Variants in RBFOX1 observed in about 807,000 individuals in gnomAD.
RBFOX1 encodes RNA binding protein fox-1 homolog 1.
In RBFOX1, 8 loss-of-function variants were observed where a neutral mutation model predicts 57.7. The ratio of observed to expected loss-of-function variants is 0.14; its 90% CI spans 0.08 to 0.25. The LOEUF is 0.25. RBFOX1 is among the 10% of genes least tolerant of loss of function. The pLI is 1.00. For synonymous variants in RBFOX1, 326 were observed against 222.4 expected (o/e 1.47, Z -4.15); for missense variants, 611 against 548.5 (o/e 1.11, Z -1.14).
In RBFOX1 at chr16:5,947,259, C is replaced by G. The variant is rs560214475; in HGVS notation, c.351+79924C>G. 6.6e-6 allele frequency among the ~76,000 whole-genome samples: 1 copy of G among 152,060 alleles called. No homozygotes were observed. Among genetic ancestry groups the G allele is most frequent in the Non-Finnish European group, 1.5e-5 (1 of 68,028 alleles). On this transcript the variant is annotated intron_variant, in intron 4 of 19. Transcript: ENST00000641259. This position sits in a 1 kb window ranked among gnomAD's most constrained non-coding sequence, Gnocchi z 7.2. The stretch of plus-strand genomic sequence containing the variant: ...AAGAAAGGCTACTAAGGCTGGAGAG[C>G]ACAGTGGGTAAGGAGGAGGTGGCCA...
intron 2 of RBFOX1, among the ~76,000 whole-genome samples, chr16:5,530,120 T>C (rs2044407270): frequency 1.3e-5 from 2 of 152,144 alleles, no homozygotes; most frequent in African/African-American, 4.8e-5. Flanking sequence ...CACTTTGCTA[T>C]GGTAGCCCCA....
chr16:7,088,502 T>C (rs1292655315), intron 4 of RBFOX1, among the ~76,000 whole-genome samples: 3 of 151,654 alleles, frequency 2.0e-5, no homozygotes, highest in Non-Finnish European at 4.4e-5. Context: ...TACATGCACT[T>C]ATTCTGGCTT....
chr16:6,265,949 G>A (rs572835828), intron 1 of RBFOX1, among the ~76,000 whole-genome samples: 1 of 152,196 alleles, frequency 6.6e-6, no homozygotes, highest in African/African-American at 2.4e-5. Flanking sequence ...GGTATTGTGG[G>A]TCCATGGTAG....
chr16:5,329,065 A>G (rs966084658), intron 1 of RBFOX1, among the ~76,000 whole-genome samples: 1 of 152,122 alleles, frequency 6.6e-6, no homozygotes, highest in African/African-American at 2.4e-5. Context: ...TTTTACATAT[A>G]TTGTTTTATT....
At chr16:7,417,389 A>AAAG (rs2098490481) in intron 4 of RBFOX1, among the ~76,000 whole-genome samples, 1 of 151,158 alleles carries the variant, frequency 6.6e-6, no homozygotes, top group Non-Finnish European at 1.5e-5. Flanking sequence ...AAAAAAAAAA[A>AAAG]AGAGATGACC....
At chr16:5,510,261 A>G (rs72761053) in intron 2 of RBFOX1, among the ~76,000 whole-genome samples, 3,819 of 152,238 alleles carry the variant, frequency 0.025, 67 homozygotes, top group Middle Eastern at 0.061. Flanking sequence ...ACTTATTGTC[A>G]CAGGTGCAGC....
At chr16:6,444,188 G>T (rs2094441235) in intron 2 of RBFOX1, among the ~76,000 whole-genome samples, 1 of 152,096 alleles carries the variant, frequency 6.6e-6, no homozygotes, top group African/African-American at 2.4e-5. Flanking sequence ...TTTTGTCAGT[G>T]TGCACTGGGC....
intron 11 of RBFOX1, among the ~76,000 whole-genome samples, chr16:7,652,086 T>G (rs1280393721): frequency 6.7e-6 from 1 of 149,934 alleles, no homozygotes; most frequent in Non-Finnish European, 1.5e-5. Flanking sequence ...GGGGTAACCA[T>G]CAGGCATCCT....
intron 2 of RBFOX1, among the ~76,000 whole-genome samples, chr16:5,479,302 C>T (rs1042296197): frequency 5.9e-5 from 9 of 152,264 alleles, no homozygotes; most frequent in South Asian, 2.1e-4. Flanking sequence ...TCATCTCTGT[C>T]CCTAGAACAA....
intron 3 of RBFOX1, among the ~76,000 whole-genome samples, chr16:6,843,136 CAT>C (rs1416518057): frequency 2.0e-5 from 3 of 152,084 alleles, no homozygotes; most frequent in African/African-American, 4.8e-5. Flanking sequence ...GTTTTCAAAA[CAT>C]AACACATTTT....
intron 10 of RBFOX1, among the ~76,000 whole-genome samples, chr16:7,619,846 A>C (rs1163123384): frequency 6.6e-6 from 1 of 152,198 alleles, no homozygotes. Context: ...AAATGTGCCA[A>C]ATTGGAGGAG....
chr16:7,532,330 GGC>G (rs904486467), intron 5 of RBFOX1, among the ~76,000 whole-genome samples: 4 of 152,078 alleles, frequency 2.6e-5, no homozygotes, highest in African/African-American at 9.7e-5. Flanking sequence ...AACAGTGGGT[GGC>G]GCCAGCTTCG....
At chr16:6,586,611 C>T (rs897411162) in intron 2 of RBFOX1, among the ~76,000 whole-genome samples, 1 of 152,154 alleles carries the variant, frequency 6.6e-6, no homozygotes, top group African/African-American at 2.4e-5. Flanking sequence ...ATACTTCTTC[C>T]CACATTACAC....
chr16:7,279,071 C>T (rs1467906550), intron 4 of RBFOX1, among the ~76,000 whole-genome samples: 1 of 149,920 alleles, frequency 6.7e-6, no homozygotes. Context: ...CTAAAAGTGA[C>T]GTAGGTTTCT....
chr16:5,864,626 G>C (rs1307677835), intron 3 of RBFOX1, among the ~76,000 whole-genome samples: 4 of 151,220 alleles, frequency 2.6e-5, no homozygotes, highest in African/African-American at 9.7e-5. Flanking sequence ...ATATGCTGTA[G>C]AGTTTTTAAT....
intron 5 of RBFOX1, among the ~76,000 whole-genome samples, chr16:7,546,014 T>TA (rs71150312): frequency 0.67 from 90,183 of 133,930 alleles, 30,520 homozygotes; most frequent in Non-Finnish European, 0.79. Context: ...TCTGAGCTTA[T>TA]AAAAAAAAAA....
chr16:6,444,665 A>G (rs1350584450), intron 2 of RBFOX1, among the ~76,000 whole-genome samples: 1 of 151,576 alleles, frequency 6.6e-6, no homozygotes, highest in African/African-American at 2.4e-5. Flanking sequence ...GTATGTCTTT[A>G]TCAGCAGGGT....
intron 1 of RBFOX1, among the ~76,000 whole-genome samples, chr16:5,374,447 A>G (rs762171470): frequency 2.0e-5 from 3 of 152,114 alleles, no homozygotes; most frequent in Non-Finnish European, 4.4e-5. Flanking sequence ...TTCCAGGAGG[A>G]GGGAGCCCTG....
At chr16:7,246,501 C>T (rs1019336164) in intron 4 of RBFOX1, among the ~76,000 whole-genome samples, 4 of 152,198 alleles carry the variant, frequency 2.6e-5, no homozygotes, top group African/African-American at 9.7e-5. Flanking sequence ...TCTGGCCTCT[C>T]TCCAGTCTCT....
Sources: allele counts gnomAD v4.1 joint callset (sites outside exome capture counted in the v4.1 genomes callset), GRCh38; gene constraint gnomAD v4.1.1; non-coding constraint Gnocchi (gnomAD v3.1); transcripts MANE v1.5; gene names NCBI Gene and HGNC (gene_info 2026-07-23, HGNC 2026-07-21).